The following MAP3K5 variants were observed in gnomAD, a reference collection of about 807,000 sequenced individuals.
MAP3K5 encodes mitogen-activated protein kinase kinase kinase 5, also known as ASK-1.
In MAP3K5, 56 loss-of-function variants were observed where a neutral mutation model predicts 158.7. The ratio of observed to expected loss-of-function variants is 0.35; its 90% CI spans 0.28 to 0.44. MAP3K5 has a LOEUF of 0.44. Ranked by LOEUF, MAP3K5 falls within the 20% of genes least tolerant of loss-of-function variation. MAP3K5 has a pLI of 1.00. For synonymous variants in MAP3K5, 579 were observed against 601.7 expected, an observed-to-expected ratio of 0.96 and a Z score of 0.55; for missense variants, 1,294 against 1,674.8, an observed-to-expected ratio of 0.77 and a Z score of 3.97.
At chr6:136,754,575 C>A (rs574768416) in intron 1 of MAP3K5, among the ~76,000 whole-genome samples, 193 of 140,152 alleles carry the variant, frequency 1.4e-3, no homozygotes, top group African/African-American at 5.0e-3. Context: ...CAGAGAGAGA[C>A]CGCTCTCAAA....
chr6:136,723,470 C>G (rs1051581797), intron 1 of MAP3K5, among the ~76,000 whole-genome samples: 2 of 151,978 alleles, frequency 1.3e-5, no homozygotes, highest in Non-Finnish European at 2.9e-5. Flanking sequence ...TGTACACCAA[C>G]TTTTGTTGGT....
At chr6:136,585,280 A>AT (rs1439711321) in intron 23 of MAP3K5, among the ~76,000 whole-genome samples, 3 of 150,214 alleles carry the variant, frequency 2.0e-5, no homozygotes, top group South Asian at 4.2e-4. Context: ...CACCCAGATA[A>AT]TTTTTTTTAA....
chr6:136,572,948 G>GC (rs1406914286), intron 25 of MAP3K5, among the ~76,000 whole-genome samples: 1 of 152,142 alleles, frequency 6.6e-6, no homozygotes, highest in African/African-American at 2.4e-5. Context: ...AATTAATACA[G>GC]CTACAAATAT....
chr6:136,618,582 G>A (rs1156845801), intron 15 of MAP3K5, among the ~76,000 whole-genome samples: 1 of 152,196 alleles, frequency 6.6e-6, no homozygotes, highest in Non-Finnish European at 1.5e-5. Context: ...GTGGCTAAAG[G>A]TTAGTGAATT....
rs760771515 is a variant in MAP3K5 at position 136,697,313 on chromosome 6, G to A, written c.881C>T (p.Ala294Val). 1.9e-6 allele frequency: 3 copies of A among 1,613,474 alleles called. No individual in the cohort carries two copies. Among genetic ancestry groups the A allele is most frequent in the South Asian group, 2.2e-5 (2 of 91,020 alleles). Residue 294 changes from alanine to valine, a missense_variant, in exon 5 of 30, where the codon GCT becomes GTT. Coordinates refer to ENST00000359015, the MANE Select transcript of MAP3K5 (RefSeq NM_005923.4). ...TCGCTGCCGAATTCTTGCCAACTCA[G>A]CTGCCAATTCTTTACCAGTGTATAA... ...RNLYTGKELA[A>V]ELARIRQRVD...
At chr6:136,777,458 T>C (rs1219542784) in intron 1 of MAP3K5, among the ~76,000 whole-genome samples, 1 of 152,192 alleles carries the variant, frequency 6.6e-6, no homozygotes, top group Non-Finnish European at 1.5e-5. Flanking sequence ...AAAATCCTAC[T>C]GTCCATATTT....
intron 21 of MAP3K5, among the ~76,000 whole-genome samples, chr6:136,593,050 G>C (rs1775465669): frequency 6.6e-6 from 1 of 152,188 alleles, no homozygotes; most frequent in African/African-American, 2.4e-5. Context: ...CCTTGGTTGG[G>C]ATGAGTGAGT....
At chr6:136,593,714 CAAAAAAAA>C in intron 21 of MAP3K5, 2 of 240,176 alleles carry the variant, frequency 8.3e-6, no homozygotes, top group Admixed American at 5.7e-5. Context: ...GACAGATATG[CAAAAAAAA>C]AAAAAAAAAA....
At chr6:136,622,786 T>G in intron 15 of MAP3K5, 62 bp downstream of exon 15, 1 of 1,537,594 alleles carries the variant, frequency 6.5e-7, no homozygotes, top group South Asian at 1.2e-5. Flanking sequence ...AAGTATTTTC[T>G]AAAATACTGT....
intron 1 of MAP3K5, 93 bp from the exon 2 acceptor site, chr6:136,720,682 G>T: frequency 1.2e-6 from 1 of 867,780 alleles, no homozygotes; most frequent in Non-Finnish European, 1.7e-6. Context: ...ATTCAAAAGA[G>T]GAAATAAGGA....
chr6:136,573,782 A>AG (rs1413112486), intron 25 of MAP3K5, among the ~76,000 whole-genome samples: 2 of 152,208 alleles, frequency 1.3e-5, no homozygotes, highest in Non-Finnish European at 2.9e-5. Context: ...CTGGGACTCA[A>AG]GGGGGCCTTA....
chr6:136,781,910 G>A lies in MAP3K5; in HGVS notation c.448+9800C>T, dbSNP rs79248599. On this transcript the variant is annotated intron_variant, in intron 1 of 29. Transcript: ENST00000359015. ...AATGACCATATTACAAAACTTGAGCGTGACATTAAGAGGTATTTGACATGG... is the reference window on the plus strand; with the variant it reads ...AATGACCATATTACAAAACTTGAGCATGACATTAAGAGGTATTTGACATGG... Among the ~76,000 whole-genome samples, 847 of 152,160 alleles carry A rather than the reference G, an allele frequency of 5.6e-3. 6 individuals are homozygous for A. The highest frequency in any genetic ancestry group is 0.019 in the African/African-American group (805 of 41,498).
intron 7 of MAP3K5, among the ~76,000 whole-genome samples, chr6:136,672,983 C>A (rs1779548099): frequency 7.8e-6 from 1 of 128,564 alleles, no homozygotes; most frequent in African/African-American, 3.2e-5. Context: ...GAGAAAGACT[C>A]TATCTCAAAA....
intron 14 of MAP3K5, among the ~76,000 whole-genome samples, chr6:136,625,076 C>T (rs1401956845): frequency 1.3e-5 from 2 of 152,116 alleles, no homozygotes; most frequent in Non-Finnish European, 2.9e-5. Flanking sequence ...AGAACTCCTG[C>T]AGCCCAAAGG....
At chr6:136,704,963 C>T (rs1353768057) in intron 3 of MAP3K5, 147 bp downstream of exon 3, 1 of 491,158 alleles carries the variant, frequency 2.0e-6, no homozygotes, top group Non-Finnish European at 3.6e-6. Context: ...ACTTAGATAA[C>T]CATATTTATA....
chr6:136,687,699 C>T (rs577617066), intron 7 of MAP3K5, among the ~76,000 whole-genome samples: 8 of 152,048 alleles, frequency 5.3e-5, no homozygotes, highest in South Asian at 4.1e-4. Flanking sequence ...CATTACAAAA[C>T]GCCAATCAAA....
At chr6:136,630,010 C>G (rs1270783007) in intron 14 of MAP3K5, among the ~76,000 whole-genome samples, 1 of 152,044 alleles carries the variant, frequency 6.6e-6, no homozygotes, top group African/African-American at 2.4e-5. Flanking sequence ...CTCTGCCTCC[C>G]AAAGTGCTGG....
chr6:136,767,978 T>C (rs1192702688), intron 1 of MAP3K5, among the ~76,000 whole-genome samples: 1 of 152,164 alleles, frequency 6.6e-6, no homozygotes, highest in Non-Finnish European at 1.5e-5. Context: ...TTTCAACAAA[T>C]GATGCTGGGA....
At chr6:136,738,847 T>C (rs1451373794) in intron 1 of MAP3K5, among the ~76,000 whole-genome samples, 1 of 152,028 alleles carries the variant, frequency 6.6e-6, no homozygotes, top group African/African-American at 2.4e-5. Flanking sequence ...CAGTCATCAG[T>C]GCAGCCAATG....
Sources: allele counts gnomAD v4.1 joint callset (sites outside exome capture counted in the v4.1 genomes callset), GRCh38; gene constraint gnomAD v4.1.1; transcripts MANE v1.5; gene names NCBI Gene and HGNC (gene_info 2026-07-23, HGNC 2026-07-21).